The following PPARG variants were observed in gnomAD, a reference collection of about 807,000 sequenced individuals.
PPARG encodes peroxisome proliferator activated receptor gamma.
PPARG carries 17 observed loss-of-function variants against 39.2 expected under a neutral mutation model. That is an observed-to-expected ratio of 0.43 (90% CI 0.30 to 0.65). PPARG has a LOEUF of 0.65. Ranked by LOEUF, PPARG falls within the 30% of genes least tolerant of loss-of-function variation. The probability of loss-of-function intolerance (pLI) is 0.13; values close to 1 mark genes in which losing one functional copy is unlikely to be tolerated. For missense variants in PPARG, 406 were observed against 585.9 expected, an observed-to-expected ratio of 0.69 and a Z score of 3.17; for synonymous variants, 223 against 215.7, an observed-to-expected ratio of 1.03 and a Z score of -0.30.
At chr3:12,392,502 G>A (rs1371374897) in intron 4 of PPARG, 112 bp from the exon 5 acceptor site, 6 of 1,194,160 alleles carry the variant, frequency 5.0e-6, no homozygotes, top group African/African-American at 1.5e-5. Flanking sequence ...TGACAGAATC[G>A]TGTCAAGAAC....
upstream of PPARG, among the ~76,000 whole-genome samples, chr3:12,288,520 C>G (rs1472031237): frequency 2.0e-5 from 3 of 151,990 alleles, no homozygotes; most frequent in East Asian, 1.9e-4. Flanking sequence ...TCCGGGGGAA[C>G]TTTGGAGCAG....
intron 1 of PPARG, among the ~76,000 whole-genome samples, chr3:12,308,534 CTT>C (rs1247388889): frequency 2.0e-5 from 3 of 151,930 alleles, no homozygotes; most frequent in East Asian, 1.9e-4. Context: ...ATTATTAAAA[CTT>C]AAATTGAATA....
intron 2 of PPARG, among the ~76,000 whole-genome samples, chr3:12,354,965 A>G (rs2048613611): frequency 6.6e-6 from 1 of 152,114 alleles, no homozygotes; most frequent in South Asian, 2.1e-4. Flanking sequence ...TGATGAAATT[A>G]TTTCCCACTT....
chr3:12,379,377 G>A (rs151022095), intron 2 of PPARG, among the ~76,000 whole-genome samples: 11 of 152,226 alleles, frequency 7.2e-5, no homozygotes, highest in Non-Finnish European at 1.6e-4. Context: ...ATAAATAACA[G>A]CAGTCATTAA....
chr3:12,334,094 A>G (rs1188860264), intron 2 of PPARG, among the ~76,000 whole-genome samples: 2 of 152,216 alleles, frequency 1.3e-5, no homozygotes, highest in Non-Finnish European at 2.9e-5. Context: ...CCAGAAGATT[A>G]CAAGTTCCTT....
At chr3:12,371,514 T>C (rs2125146096) in intron 2 of PPARG, among the ~76,000 whole-genome samples, 1 of 152,384 alleles carries the variant, frequency 6.6e-6, no homozygotes, top group South Asian at 2.1e-4. Context: ...CGCATTTTAT[T>C]CTGTGATAAT....
chr3:12,412,601 C>T (rs1484144065), intron 6 of PPARG, among the ~76,000 whole-genome samples: 1 of 152,172 alleles, frequency 6.6e-6, no homozygotes, highest in African/African-American at 2.4e-5. Context: ...CAGCTTTCTT[C>T]ATTCCGTTCT....
chr3:12,415,379 G>A (rs1447715004), intron 6 of PPARG, among the ~76,000 whole-genome samples: 3 of 152,202 alleles, frequency 2.0e-5, no homozygotes, highest in Non-Finnish European at 4.4e-5. Context: ...CATACCCTCA[G>A]CTCTTCTTCC....
At chr3:12,416,075 A>G (rs952354937) in intron 6 of PPARG, among the ~76,000 whole-genome samples, 4 of 152,238 alleles carry the variant, frequency 2.6e-5, no homozygotes, top group African/African-American at 9.6e-5. Flanking sequence ...TAGATTTTGT[A>G]TCATTTTAAA....
In PPARG at chr3:12,328,148, T is replaced by A. The variant is rs1367055556; in HGVS notation, c.-9+15695T>A. ...TCCAAGGAAGCAATTCACAATCAAC[T>A]GTTAGAGAAGCAGCAAATAGCGAAG... On this transcript the variant is annotated intron_variant, in intron 2 of 7. Transcript: ENST00000651735. 3 of 1,271,840 alleles carry A rather than the reference T, an allele frequency of 2.4e-6. No individual in the cohort carries two copies. In the East Asian group the frequency reaches 6.9e-5, roughly 29 times the overall value. The allele number at this position is 1,271,840 out of a possible 1,614,324, so 78.8% of individuals were successfully genotyped here. A position where few individuals can be genotyped will look rare whatever the true frequency, so the allele number is the denominator to read the frequency against.
intron 1 of PPARG, among the ~76,000 whole-genome samples, chr3:12,307,687 CACTT>C (rs2047110260): frequency 6.6e-6 from 1 of 152,010 alleles, no homozygotes; most frequent in Non-Finnish European, 1.5e-5. Context: ...TGTGTGAAAA[CACTT>C]AAAGGAAAAT....
chr3:12,331,095 T>A (rs2047845268), intron 2 of PPARG, among the ~76,000 whole-genome samples: 1 of 152,308 alleles, frequency 6.6e-6, no homozygotes. Flanking sequence ...CTTTGGAAGC[T>A]TTTCTCAGTG....
At chr3:12,421,292 C>G (rs942914336) in intron 7 of PPARG, among the ~76,000 whole-genome samples, 2 of 152,192 alleles carry the variant, frequency 1.3e-5, no homozygotes, top group African/African-American at 2.4e-5. Context: ...ACAGCGCTTC[C>G]TTGGTCATCA....
chr3:12,408,248 A>T (rs2050742389), intron 6 of PPARG, among the ~76,000 whole-genome samples: 1 of 152,186 alleles, frequency 6.6e-6, no homozygotes, highest in Non-Finnish European at 1.5e-5. Context: ...TCTTCACCTC[A>T]TCTGCTATCC....
chr3:12,424,932 C>A (rs1290559472), intron 7 of PPARG, among the ~76,000 whole-genome samples: 2 of 152,196 alleles, frequency 1.3e-5, no homozygotes, highest in Non-Finnish European at 2.9e-5. Context: ...GTTCAGCACA[C>A]AATAAATGCT....
At chr3:12,376,094 C>T (rs867474094) in intron 2 of PPARG, among the ~76,000 whole-genome samples, 1 of 152,156 alleles carries the variant, frequency 6.6e-6, no homozygotes, top group South Asian at 2.1e-4. Flanking sequence ...GGATCACAGG[C>T]ATGCACCACC....
intron 2 of PPARG, among the ~76,000 whole-genome samples, chr3:12,333,297 T>G (rs2047912959): frequency 6.6e-6 from 1 of 152,220 alleles, no homozygotes; most frequent in Non-Finnish European, 1.5e-5. Flanking sequence ...CAATCCTCAT[T>G]TACAACTGAG....
chr3:12,358,432 T>G (rs1023018941), intron 2 of PPARG, among the ~76,000 whole-genome samples: 2 of 152,224 alleles, frequency 1.3e-5, no homozygotes, highest in Non-Finnish European at 2.9e-5. Flanking sequence ...ACAGACATAA[T>G]GTCTCCCCTT....
chr3:12,349,705 T>A (rs139495991), intron 2 of PPARG, among the ~76,000 whole-genome samples: 2,038 of 152,290 alleles, frequency 0.013, 20 homozygotes, highest in Middle Eastern at 0.048. Flanking sequence ...TAAGACAGGT[T>A]TTCGCTTTCA....
Sources: gnomAD v4.1 joint callset for allele counts (sites outside exome capture counted in the v4.1 genomes callset) on GRCh38, gnomAD v4.1.1 for gene constraint, MANE v1.5 for transcripts, NCBI Gene and HGNC (gene_info 2026-07-23, HGNC 2026-07-21) for gene names.